GRIN2A: variants seen among roughly 807,000 people sequenced by gnomAD.
GRIN2A encodes glutamate ionotropic receptor NMDA type subunit 2A.
Under a neutral mutation model 113.4 loss-of-function variants are expected in GRIN2A, and 22 were observed. That is an observed-to-expected ratio of 0.19 (90% confidence interval 0.14 to 0.28). GRIN2A has a LOEUF of 0.28. Ranked by LOEUF, GRIN2A falls within the 10% of genes least tolerant of loss-of-function variation. The probability of loss-of-function intolerance (pLI) is 1.00; values close to 1 mark genes in which losing one functional copy is unlikely to be tolerated. For synonymous variants in GRIN2A, 827 were observed against 738.4 expected (o/e 1.12, Z -1.94); for missense variants, 1,502 against 1,887.0 (o/e 0.80, Z 3.78).
At chr16:9,878,193 G>A (rs1017421711) in intron 4 of GRIN2A, among the ~76,000 whole-genome samples, 2 of 152,086 alleles carry the variant, frequency 1.3e-5, no homozygotes, top group African/African-American at 2.4e-5. Context: ...TTGGGTTTGC[G>A]ACTGGGATGG....
chr16:10,039,765 G>GGAGGGA (rs1224493162), intron 2 of GRIN2A, among the ~76,000 whole-genome samples: 9 of 112,966 alleles, frequency 8.0e-5, no homozygotes, highest in South Asian at 3.9e-4. Context: ...AATGTGCAAG[G>GGAGGGA]GAGGGAGAGG....
At chr16:9,939,490 A>G (rs973168433) in intron 2 of GRIN2A, among the ~76,000 whole-genome samples, 21 of 152,316 alleles carry the variant, frequency 1.4e-4, no homozygotes, top group East Asian at 1.9e-4. Context: ...AAGGGCCTCT[A>G]TTAGCCCTAA....
chr16:9,950,448 C>G (rs1351909112), intron 2 of GRIN2A, among the ~76,000 whole-genome samples: 1 of 152,092 alleles, frequency 6.6e-6, no homozygotes, highest in Admixed American at 6.6e-5. Context: ...AGGTCACCAC[C>G]CATCAGATGT....
Position 10,034,535 on chromosome 16 carries a change from C to CAAAAAAA in GRIN2A, c.415-95991_415-95985dup, listed in dbSNP as rs58076569. Reference sequence around the variant, plus strand: ...AGTGAGACCCCACGTCAAAAAAAAGCAAAAAAAAAAAAAAAAAAAAAAAAA... The same window carrying CAAAAAAA: ...AGTGAGACCCCACGTCAAAAAAAAGCAAAAAAAAAAAAAAAAAAAAAAAAAAAAAAAA... On this transcript the variant is annotated intron_variant, in intron 2 of 12. Coordinates refer to ENST00000330684, the MANE Select transcript of GRIN2A (RefSeq NM_001134407.3). 1.2e-3 allele frequency among the ~76,000 whole-genome samples: 44 copies of CAAAAAAA among 36,422 alleles called. 3 individuals are homozygous for CAAAAAAA. The highest frequency in any genetic ancestry group is 4.6e-3 in the African/African-American group (41 of 8,978). 23.9% of individuals were successfully genotyped at this position (36,422 alleles called of 152,430 possible). A position where few individuals can be genotyped will look rare whatever the true frequency, so the allele number is the denominator to read the frequency against.
chr16:10,122,029 T>C (rs954417299), intron 2 of GRIN2A, among the ~76,000 whole-genome samples: 2 of 152,176 alleles, frequency 1.3e-5, no homozygotes, highest in African/African-American at 4.8e-5. Context: ...TCACGTCAGA[T>C]GAACTTCAAG....
At chr16:10,007,347 T>C (rs1451527384) in intron 2 of GRIN2A, among the ~76,000 whole-genome samples, 1 of 152,222 alleles carries the variant, frequency 6.6e-6, no homozygotes, top group Non-Finnish European at 1.5e-5. Flanking sequence ...GATAACTTAT[T>C]GTAGTTTTGA....
chr16:9,948,884 C>T (rs910546660), intron 2 of GRIN2A, among the ~76,000 whole-genome samples: 4 of 152,194 alleles, frequency 2.6e-5, no homozygotes, highest in Non-Finnish European at 5.9e-5. Flanking sequence ...TGCATGCCAG[C>T]GCTGCAGCTC....
At chr16:10,083,947 A>G (rs1353047049) in intron 2 of GRIN2A, among the ~76,000 whole-genome samples, 1 of 152,128 alleles carries the variant, frequency 6.6e-6, no homozygotes, top group Non-Finnish European at 1.5e-5. Context: ...ACAAAAAAAT[A>G]CAAATATGAG....
intron 2 of GRIN2A, among the ~76,000 whole-genome samples, chr16:9,983,039 A>G (rs956622322): frequency 1.3e-5 from 2 of 152,186 alleles, no homozygotes; most frequent in Non-Finnish European, 2.9e-5. Context: ...ATACTTCAAT[A>G]CATGTATACA....
chr16:9,780,691 G>A (rs917285543), intron 11 of GRIN2A, among the ~76,000 whole-genome samples: 21 of 152,202 alleles, frequency 1.4e-4, no homozygotes, highest in African/African-American at 4.3e-4. Context: ...TATAACGAAT[G>A]TATGTCATAG....
chr16:10,089,808 TAAC>T (rs989725123), intron 2 of GRIN2A, among the ~76,000 whole-genome samples: 1 of 152,150 alleles, frequency 6.6e-6, no homozygotes, highest in Non-Finnish European at 1.5e-5. Flanking sequence ...AATTTATAAC[TAAC>T]AACAAGACAA....
intron 2 of GRIN2A, among the ~76,000 whole-genome samples, chr16:10,070,873 G>C (rs1172316194): frequency 6.6e-6 from 1 of 152,294 alleles, no homozygotes; most frequent in Admixed American, 6.5e-5. Flanking sequence ...TTTCTCATGG[G>C]TACTTTGCCC....
chr16:9,892,177 G>C (rs1209060362), intron 3 of GRIN2A, among the ~76,000 whole-genome samples: 3 of 152,198 alleles, frequency 2.0e-5, no homozygotes, highest in African/African-American at 7.2e-5. Flanking sequence ...GTCACGGTGA[G>C]CCGAGATCGT....
chr16:9,840,303 C>A (rs1023082229), intron 7 of GRIN2A, among the ~76,000 whole-genome samples: 8 of 152,014 alleles, frequency 5.3e-5, no homozygotes, highest in African/African-American at 1.9e-4. Flanking sequence ...TATTAAACCC[C>A]TTATAATAAT....
At position 9,786,643 on chromosome 16, in the gene GRIN2A, A is replaced by G. The variant is rs971647024; in HGVS notation, c.2356+11634T>C. Among the ~76,000 whole-genome samples the G allele has an allele frequency of 4.6e-5, 7 of 152,082 alleles. 1 individual carries two copies. The highest frequency in any genetic ancestry group is 3.9e-4 in the Admixed American group (6 of 15,266). On this transcript the variant is annotated intron_variant, in intron 11 of 12. Transcript: ENST00000330684. The stretch of plus-strand genomic sequence containing the variant: ...CCACCTGTCTTCCAAGATGTCTATG[A>G]GGGTTTATAGCAGCTAAAGAAGTAA...
chr16:9,803,764 C>T lies in GRIN2A; in HGVS notation c.2169-5300G>A, dbSNP rs150343736. 3.1e-3 allele frequency among the ~76,000 whole-genome samples: 473 copies of T among 152,278 alleles called. 3 individuals carry two copies. The highest frequency in any genetic ancestry group is 0.011 in the African/African-American group (447 of 41,564). ...ACTCAGCACTACCACCCAGCCCATA[C>T]GTGTCAAAAGTGGCATTGGAACCTA... On this transcript the variant is annotated intron_variant, in intron 10 of 12. Transcript: ENST00000330684.
chr16:10,041,468 C>T (rs2047165638), intron 2 of GRIN2A, among the ~76,000 whole-genome samples: 1 of 152,114 alleles, frequency 6.6e-6, no homozygotes, highest in Non-Finnish European at 1.5e-5. Flanking sequence ...TTACTTTGAA[C>T]AAGCTAGGGA....
chr16:9,846,996 C>G (rs2042784401), intron 5 of GRIN2A, among the ~76,000 whole-genome samples: 1 of 152,170 alleles, frequency 6.6e-6, no homozygotes, highest in South Asian at 2.1e-4. Context: ...AATGCCAGCT[C>G]TTTCTTCAAT....
chr16:9,797,090 C>G (rs1567304260), intron 11 of GRIN2A, among the ~76,000 whole-genome samples: 1 of 152,256 alleles, frequency 6.6e-6, no homozygotes, highest in Non-Finnish European at 1.5e-5. Flanking sequence ...CGAATTCACA[C>G]TAACCCTATG....
Sources: allele counts gnomAD v4.1 joint callset (sites outside exome capture counted in the v4.1 genomes callset), GRCh38; gene constraint gnomAD v4.1.1; transcripts MANE v1.5; gene names NCBI Gene and HGNC (gene_info 2026-07-23, HGNC 2026-07-21).